ARHGEF38: variants seen among roughly 807,000 people sequenced by gnomAD.
ARHGEF38 encodes Rho guanine nucleotide exchange factor (GEF) 38.
Under a neutral mutation model 79.9 loss-of-function variants are expected in ARHGEF38, and 79 were observed. The observed-to-expected ratio is 0.99, with a 90% confidence interval of 0.82 to 1.19. ARHGEF38 has a LOEUF of 1.19. Ranked by LOEUF, ARHGEF38 falls within the 50% of genes most tolerant of loss-of-function variation. ARHGEF38 has a pLI of 0.00. For missense variants in ARHGEF38, 962 were observed against 907.2 expected (o/e 1.06, Z -0.78); for synonymous variants, 366 against 328.3 (o/e 1.11, Z -1.24).
chr4:105,559,728 G>C (rs146600125), intron 1 of ARHGEF38, among the ~76,000 whole-genome samples: 1 of 151,930 alleles, frequency 6.6e-6, no homozygotes, highest in Admixed American at 6.6e-5. Context: ...CCTTGCTCCA[G>C]GTCCCACAAA....
In ARHGEF38 at chr4:105,564,083, A is replaced by C. The variant is rs72669928; in HGVS notation, c.196+11122A>C. Among the ~76,000 whole-genome samples the C allele has an allele frequency of 8.1e-3, 1,235 of 152,276 alleles. 8 individuals carry two copies. The highest frequency in any genetic ancestry group is 0.014 in the Non-Finnish European group (930 of 68,010). On this transcript the variant is annotated intron_variant, in intron 1 of 13. Transcript: ENST00000420470. ...GTCAAACTACATGGCTCCTTTGCTT[A>C]ACACTCCTCATTGCTTTTCATTTTT...
intron 1 of ARHGEF38, among the ~76,000 whole-genome samples, chr4:105,558,320 A>G (rs1439358129): frequency 6.6e-6 from 1 of 152,330 alleles, no homozygotes; most frequent in South Asian, 2.1e-4. Flanking sequence ...AGGCCAAATG[A>G]AGAATGGAGT....
In ARHGEF38 at chr4:105,680,114, A is replaced by G; in HGVS notation, c.*2177A>G. ...GACATCTCATTTTCATCTGTGTTTT[A>G]TAAAGGAGGAAATTGAGGACCTCAC... On this transcript the variant is annotated 3_prime_UTR_variant, in exon 14 of 14. Transcript: ENST00000420470. The G allele has an allele frequency of 1.4e-6, 1 of 731,986 alleles. No individual in the cohort carries two copies. Among genetic ancestry groups the G allele is most frequent in the South Asian group, 1.4e-5 (1 of 72,796 alleles). The allele number at this position is 731,986 out of a possible 1,614,324, so 45.3% of individuals were successfully genotyped here. A position where few individuals can be genotyped will look rare whatever the true frequency, so the allele number is the denominator to read the frequency against.
intron 10 of ARHGEF38, among the ~76,000 whole-genome samples, chr4:105,661,140 T>A (rs544427614): frequency 2.0e-5 from 3 of 152,366 alleles, no homozygotes; most frequent in Admixed American, 1.3e-4. Flanking sequence ...GGTTTCTTCA[T>A]GCCTAGCATG....
At chr4:105,570,201 G>T (rs1007905543) in intron 1 of ARHGEF38, 1 of 152,192 alleles carries the variant, frequency 6.6e-6, no homozygotes, top group Non-Finnish European at 1.5e-5. Flanking sequence ...CATTTTTAGA[G>T]TTGTGAGAAA....
rs751277609 is a variant in ARHGEF38 at position 105,630,998 on chromosome 4, G to C, written c.609G>C (p.Lys203Asn). The C allele has an allele frequency of 1.2e-6, 2 of 1,613,760 alleles. No homozygotes were observed. The highest frequency in any genetic ancestry group is 2.2e-5 in the East Asian group (1 of 44,824). The change falls in exon 4 of 14, where the codon AAG becomes AAC. Residue 203 changes from lysine (K) to asparagine (N), a missense_variant. Physicochemically the swap from Lys to Asn is moderately conservative, Grantham distance 94. Coordinates refer to ENST00000420470, the MANE Select transcript of ARHGEF38 (RefSeq NM_001242729.2). ...EAHSILESYE[K>N]EEELKEHLSH... ...ATAGTATACTGGAGTCCTATGAAAA[G>C]GAAGAAGAGCTGAAGGAACATTTGA...
At chr4:105,638,942 A>G (rs572489692) in intron 5 of ARHGEF38, among the ~76,000 whole-genome samples, 1 of 152,010 alleles carries the variant, frequency 6.6e-6, no homozygotes, top group Non-Finnish European at 1.5e-5. Flanking sequence ...TTTTGGATCA[A>G]TTTCTGAAAG....
chr4:105,663,757 G>A (rs1730647319), intron 10 of ARHGEF38, among the ~76,000 whole-genome samples: 1 of 152,042 alleles, frequency 6.6e-6, no homozygotes, highest in South Asian at 2.1e-4. Flanking sequence ...ATCACTTGAG[G>A]CCGAGAGTTC....
chr4:105,552,637 C>T lies in ARHGEF38; in HGVS notation c.-129C>T, dbSNP rs559868186. On this transcript the variant is annotated 5_prime_UTR_variant, in exon 1 of 14. Coordinates refer to ENST00000420470, the MANE Select transcript of ARHGEF38 (RefSeq NM_001242729.2). The stretch of plus-strand genomic sequence containing the variant: ...GTGGTGGCAGTCACAGCCAGGTAAC[C>T]CTGGAGTGAAGCGGTTTAGTTAGAA... 38 of 666,872 alleles carry T rather than the reference C, an allele frequency of 5.7e-5. 1 individual carries two copies. In the Admixed American group the frequency reaches 1.2e-3, roughly 21 times the overall value. The allele number at this position is 666,872 out of a possible 1,614,324, so 41.3% of individuals were successfully genotyped here.
At chr4:105,563,523 A>G (rs1578256469) in intron 1 of ARHGEF38, among the ~76,000 whole-genome samples, 1 of 152,336 alleles carries the variant, frequency 6.6e-6, no homozygotes, top group Non-Finnish European at 1.5e-5. Context: ...AGATGATAAA[A>G]CAGAGGTTAA....
chr4:105,596,371 C>T (rs1456817791), intron 2 of ARHGEF38, among the ~76,000 whole-genome samples: 2 of 152,108 alleles, frequency 1.3e-5, no homozygotes, highest in Non-Finnish European at 1.5e-5. Flanking sequence ...GTGCCCCCCA[C>T]CCCAAACCAA....
At chr4:105,613,601 T>C (rs1728394005) in intron 3 of ARHGEF38, 94 bp downstream of exon 3, 1 of 1,394,480 alleles carries the variant, frequency 7.2e-7, no homozygotes, top group Non-Finnish European at 9.9e-7. Context: ...TGACTCACCA[T>C]GCTTCCCAGG....
At chr4:105,634,841 T>C (rs1729335243) in intron 4 of ARHGEF38, among the ~76,000 whole-genome samples, 1 of 152,156 alleles carries the variant, frequency 6.6e-6, no homozygotes, top group African/African-American at 2.4e-5. Context: ...TTCTAACTTC[T>C]AGTCATCTGG....
intron 1 of ARHGEF38, among the ~76,000 whole-genome samples, chr4:105,560,970 T>C (rs1347787372): frequency 6.6e-6 from 1 of 152,156 alleles, no homozygotes; most frequent in Non-Finnish European, 1.5e-5. Flanking sequence ...TCCTTAAGAA[T>C]AAAAACACAT....
chr4:105,659,755 A>G (rs1730487377), intron 10 of ARHGEF38, among the ~76,000 whole-genome samples: 1 of 152,136 alleles, frequency 6.6e-6, no homozygotes, highest in Admixed American at 6.5e-5. Context: ...GGCTCTAAAA[A>G]GAAGGCCATC....
intron 3 of ARHGEF38, among the ~76,000 whole-genome samples, chr4:105,627,179 G>A (rs1204356502): frequency 2.6e-5 from 4 of 152,070 alleles, no homozygotes; most frequent in African/African-American, 9.7e-5. Flanking sequence ...GATGATCATC[G>A]AGTAATTTTC....
Position 105,636,413 on chromosome 4 carries a change from A to T in ARHGEF38, c.667A>T (p.Met223Leu). The T allele has an allele frequency of 2.2e-6, 1 of 446,180 alleles. No homozygotes were observed. The highest frequency in any genetic ancestry group is 3.4e-6 in the Non-Finnish European group (1 of 297,110). The allele number at this position is 446,180 out of a possible 1,614,324, so 27.6% of individuals were successfully genotyped here. The stretch of plus-strand genomic sequence containing the variant: ...TTTCTTCTCTTACAGGAAAATATAC[A>T]TGCAAGAGTAAGTACTTTTTAAAAT... ...HCIQSLKKIY[M>L]QEGKPNLLDM... The change falls in exon 5 of 14, where the codon ATG becomes TTG. Residue 223 changes from methionine (M) to leucine (L), a missense_variant. Transcript: ENST00000420470.
Position 105,672,337 on chromosome 4 carries a change from A to G in ARHGEF38, c.2148+4634A>G, listed in dbSNP as rs141467726. On this transcript the variant is annotated intron_variant, in intron 13 of 13. Coordinates refer to ENST00000420470, the MANE Select transcript of ARHGEF38 (RefSeq NM_001242729.2). Reference sequence around the variant, plus strand: ...TGCTTATCCATTCTCTACCTCAAGTAAGAAGAGAGACTGCTACAAAAAAGT... The same window carrying G: ...TGCTTATCCATTCTCTACCTCAAGTGAGAAGAGAGACTGCTACAAAAAAGT... 5.3e-5 allele frequency among the ~76,000 whole-genome samples: 8 copies of G among 152,348 alleles called. No individual in the cohort carries two copies. The East Asian group carries it at 1.3e-3, about 26-fold the overall frequency.
chr4:105,673,687 G>A (rs1731026511), intron 13 of ARHGEF38, among the ~76,000 whole-genome samples: 1 of 152,060 alleles, frequency 6.6e-6, no homozygotes, highest in Non-Finnish European at 1.5e-5. Context: ...AAACAAAAAT[G>A]GAAGGAAGGA....
Sources: gnomAD v4.1 joint callset for allele counts (sites outside exome capture counted in the v4.1 genomes callset) on GRCh38, gnomAD v4.1.1 for gene constraint, MANE v1.5 for transcripts, NCBI Gene and HGNC (gene_info 2026-07-23, HGNC 2026-07-21) for gene names.